Variants in CRYBG3 observed in about 807,000 individuals in gnomAD.
CRYBG3 encodes the protein crystallin beta-gamma domain containing 3.
CRYBG3 carries 127 observed loss-of-function variants against 244.2 expected under a neutral mutation model. The observed-to-expected ratio is 0.52, with a 90% confidence interval of 0.45 to 0.60. CRYBG3 has a LOEUF of 0.60. Among genes scored for constraint, CRYBG3 ranks in the 20% least tolerant of loss-of-function variants. CRYBG3 has a pLI of 0.00. For missense variants in CRYBG3, 3,325 were observed against 3,442.5 expected (o/e 0.97, Z 0.85); for synonymous variants, 1,132 against 1,195.8 (o/e 0.95, Z 1.10).
rs1044278213 is a variant in CRYBG3 at position 97,835,250 on chromosome 3, G to A, written c.150-7945G>A. Among the ~76,000 whole-genome samples, 8 of 152,040 alleles carry A rather than the reference G, an allele frequency of 5.3e-5. No individual in the cohort carries two copies. The South Asian group carries it at 1.5e-3, about 28-fold the overall frequency. ...CTTACATAGGGTTGTATTCTAATGG[G>A]GAGGGCAGAAAATATATAGATTAAT... is the stretch of plus-strand genomic sequence containing the variant. On this transcript the variant is annotated intron_variant, in intron 1 of 21. Coordinates refer to ENST00000389622, the MANE Select transcript of CRYBG3 (RefSeq NM_153605.4).
intron 17 of CRYBG3, among the ~76,000 whole-genome samples, chr3:97,918,495 C>T (rs1264866871): frequency 6.6e-6 from 1 of 152,130 alleles, no homozygotes; most frequent in Non-Finnish European, 1.5e-5. Context: ...CAGGTATTTT[C>T]AAATCATGGA....
chr3:97,882,381 T>C (rs942518828), intron 7 of CRYBG3, among the ~76,000 whole-genome samples: 1 of 152,010 alleles, frequency 6.6e-6, no homozygotes, highest in African/African-American at 2.4e-5. Context: ...CGTGTGTGCA[T>C]GCATGTGTGT....
intron 15 of CRYBG3, among the ~76,000 whole-genome samples, chr3:97,905,032 T>C (rs2039754459): frequency 6.6e-6 from 1 of 152,120 alleles, no homozygotes; most frequent in Non-Finnish European, 1.5e-5. Flanking sequence ...CTGAGAATGA[T>C]GATTTCCAAT....
Position 97,874,746 on chromosome 3 carries a change from A to G in CRYBG3, c.3552A>G (p.Arg1184=). The stretch of plus-strand genomic sequence containing the variant: ...CTGAGCACATAGAAGCCAGGAGAAG[A>G]GCACATGACCAACTTTTGGACCTCA... ...ASAEHIEARR[R]AHDQLLDLKS... Residue 1184 remains arginine, a synonymous_variant, in exon 4 of 22, where the codon AGA becomes AGG. Transcript: ENST00000389622. 1 of 1,535,962 alleles carries G rather than the reference A, an allele frequency of 6.5e-7. No homozygotes were observed. Among genetic ancestry groups the G allele is most frequent in the Admixed American group, 2.0e-5 (1 of 50,982 alleles).
intron 2 of CRYBG3, among the ~76,000 whole-genome samples, chr3:97,853,474 C>A (rs2039018877): frequency 6.6e-6 from 1 of 151,622 alleles, no homozygotes; most frequent in African/African-American, 2.4e-5. Flanking sequence ...GGCATTTAGG[C>A]TGGTTCCATA....
At chr3:97,830,397 CT>C in intron 1 of CRYBG3, among the ~76,000 whole-genome samples, 1 of 152,092 alleles carries the variant, frequency 6.6e-6, no homozygotes. Context: ...AGTTCCCAAG[CT>C]TGCTGTATTG....
In CRYBG3 at chr3:97,914,343, GA is replaced by G. The variant is rs74857019; in HGVS notation, c.8115-1263del. The stretch of plus-strand genomic sequence containing the variant: ...AAGTTCCTTCTCCACTAAGATAAAA[GA>G]AAATATTTTACAAGATTTAGGATCA... On this transcript the variant is annotated intron_variant, in intron 16 of 21. Coordinates refer to ENST00000389622, the MANE Select transcript of CRYBG3 (RefSeq NM_153605.4). 3.7e-3 allele frequency among the ~76,000 whole-genome samples: 559 copies of G among 152,198 alleles called. 23 individuals carry two copies. In the East Asian group the frequency reaches 0.056, roughly 15 times the overall value.
At chr3:97,918,971 G>T (rs1358733706) in intron 17 of CRYBG3, among the ~76,000 whole-genome samples, 1 of 152,150 alleles carries the variant, frequency 6.6e-6, no homozygotes, top group Non-Finnish European at 1.5e-5. Context: ...AAATTAGGCA[G>T]GGGAATAGAC....
chr3:97,868,065 C>T (rs959119208), intron 3 of CRYBG3, among the ~76,000 whole-genome samples: 5 of 151,992 alleles, frequency 3.3e-5, no homozygotes, highest in South Asian at 2.1e-4. Context: ...GGGCGGATCA[C>T]GAGGTCAGGA....
intron 1 of CRYBG3, among the ~76,000 whole-genome samples, chr3:97,838,371 A>G (rs1032037579): frequency 4.6e-5 from 7 of 152,106 alleles, no homozygotes; most frequent in African/African-American, 1.4e-4. Context: ...GATGTCAGCT[A>G]AAGATAGAGA....
chr3:97,915,301 A>T (rs2039915169), intron 16 of CRYBG3, among the ~76,000 whole-genome samples: 1 of 152,146 alleles, frequency 6.6e-6, no homozygotes. Context: ...GAACCATGGG[A>T]AAATCACCTT....
At chr3:97,835,722 G>A (rs997669775) in intron 1 of CRYBG3, among the ~76,000 whole-genome samples, 1 of 152,120 alleles carries the variant, frequency 6.6e-6, no homozygotes, top group African/African-American at 2.4e-5. Context: ...TCAGTTGGGG[G>A]GGAGGTCAGC....
At chr3:97,878,658 G>A (rs1382951549) in intron 4 of CRYBG3, among the ~76,000 whole-genome samples, 2 of 152,176 alleles carry the variant, frequency 1.3e-5, no homozygotes, top group Non-Finnish European at 2.9e-5. Context: ...TCAAGGTACT[G>A]TATGTGGGAA....
rs16839010 is a variant in CRYBG3 at position 97,923,498 on chromosome 3, C to T, written c.8241+7762C>T. On this transcript the variant is annotated intron_variant, in intron 17 of 21. Transcript: ENST00000389622. ...CTTCCCAGTGAGATATCTGAAACAG[C>T]GCTCTTTAAATTCAGGCAGCAGGCA... Among the ~76,000 whole-genome samples the T allele has an allele frequency of 1.6e-3, 243 of 151,996 alleles. 4 individuals are homozygous for T. The East Asian group carries it at 0.041, about 26-fold the overall frequency.
At chr3:97,860,237 C>T (rs933904369) in intron 2 of CRYBG3, among the ~76,000 whole-genome samples, 1 of 152,144 alleles carries the variant, frequency 6.6e-6, no homozygotes, top group Non-Finnish European at 1.5e-5. Context: ...CATTTGAGCA[C>T]CTCTTATTAT....
Position 97,845,288 on chromosome 3 carries a change from G to C in CRYBG3, c.216+2027G>C, listed in dbSNP as rs552481349. On this transcript the variant is annotated intron_variant, in intron 2 of 21. Transcript: ENST00000389622. ...CCCAATGATGATGTCAAAGATTGTT[G>C]GTTGCAAGACAAGTTTGAACTACAA... Among the ~76,000 whole-genome samples the C allele has an allele frequency of 5.9e-5, 9 of 152,058 alleles. 1 individual carries two copies. The highest frequency in any genetic ancestry group is 2.2e-4 in the African/African-American group (9 of 41,488).
rs1448284158 is a variant in CRYBG3, at chr3:97,878,126, T to C, written c.6843+89T>C. On this transcript the variant is annotated intron_variant, in intron 4 of 21. Coordinates refer to ENST00000389622, the MANE Select transcript of CRYBG3 (RefSeq NM_153605.4). The stretch of plus-strand genomic sequence containing the variant: ...AAGGCTTATTAAGAAAAGTCAATGT[T>C]TTGGCCAAGCATGGTGGCTCATGCC... 4.8e-6 allele frequency: 6 copies of C among 1,259,998 alleles called. No homozygotes were observed. In the East Asian group the frequency reaches 1.5e-4, roughly 31 times the overall value. The allele number at this position is 1,259,998 out of a possible 1,614,324, so 78.1% of individuals were successfully genotyped here.
chr3:97,933,796 C>T lies in CRYBG3; in HGVS notation c.8344C>T (p.His2782Tyr), dbSNP rs756253786. 1.9e-6 allele frequency: 3 copies of T among 1,612,870 alleles called. No individual in the cohort carries two copies. The highest frequency in any genetic ancestry group is 1.1e-5 in the South Asian group (1 of 91,002). ...AVNSVLNKDL[H>Y]FYTQSVWVKS... is the part of the protein sequence containing the mutation. The stretch of plus-strand genomic sequence containing the variant: ...GAACTCTGTTCTGAACAAGGACCTA[C>T]ACTTCTACACCCAGTCTGTGTGGGT... Residue 2782 changes from histidine to tyrosine, a missense_variant, in exon 18 of 22, where the codon CAC (histidine) becomes TAC (tyrosine). By Grantham distance (83) the His-to-Tyr change is moderately conservative (BLOSUM62 2). Coordinates refer to ENST00000389622, the MANE Select transcript of CRYBG3 (RefSeq NM_153605.4).
rs900701302 is a variant in CRYBG3, at chr3:97,864,405, A to C, written c.405A>C (p.Ser135=). The C allele has an allele frequency of 3.4e-5, 52 of 1,535,926 alleles. No homozygotes were observed. Among genetic ancestry groups the C allele is most frequent in the Non-Finnish European group, 4.2e-5 (48 of 1,146,794 alleles). ...LGNLFNISGK[S]SLGEAKQSSF... Reference sequence around the variant, plus strand: ...ACTTATTCAATATCTCGGGGAAATCATCTCTAGGTGAAGCTAAGCAGTCTT... The same window carrying C: ...ACTTATTCAATATCTCGGGGAAATCCTCTCTAGGTGAAGCTAAGCAGTCTT... The change falls in exon 3 of 22, where the codon TCA becomes TCC. Residue 135 remains serine (S), a synonymous_variant. Coordinates refer to ENST00000389622, the MANE Select transcript of CRYBG3 (RefSeq NM_153605.4).
Sources: allele counts gnomAD v4.1 joint callset (sites outside exome capture counted in the v4.1 genomes callset), GRCh38; gene constraint gnomAD v4.1.1; transcripts MANE v1.5; gene names NCBI Gene and HGNC (gene_info 2026-07-23, HGNC 2026-07-21).